The following GPC6 variants were observed in gnomAD, a reference collection of about 807,000 sequenced individuals.
The protein encoded by GPC6 is glypican-6.
Under a neutral mutation model 55.2 loss-of-function variants are expected in GPC6, and 14 were observed. The ratio of observed to expected loss-of-function variants is 0.25; its 90% CI spans 0.17 to 0.40. GPC6 has a LOEUF of 0.40. Among genes scored for constraint, GPC6 ranks in the 10% least tolerant of loss-of-function variants. GPC6 has a pLI of 1.00. For synonymous variants in GPC6, 278 were observed against 259.6 expected (o/e 1.07, Z -0.68); for missense variants, 641 against 708.5 (o/e 0.90, Z 1.08).
At chr13:93,946,761 T>A (rs1879029922) in intron 3 of GPC6, among the ~76,000 whole-genome samples, 1 of 152,220 alleles carries the variant, frequency 6.6e-6, no homozygotes, top group South Asian at 2.1e-4. Context: ...GGCATCAGTC[T>A]AAGTGCTGGC....
intron 3 of GPC6, among the ~76,000 whole-genome samples, chr13:93,961,609 T>G (rs1032612071): frequency 6.6e-6 from 1 of 152,234 alleles, no homozygotes; most frequent in Non-Finnish European, 1.5e-5. Flanking sequence ...CTTTTAGTGA[T>G]GAAGGGAAAC....
intron 1 of GPC6, among the ~76,000 whole-genome samples, chr13:93,292,895 C>T (rs1285747449): frequency 2.0e-5 from 3 of 152,188 alleles, no homozygotes; most frequent in Non-Finnish European, 4.4e-5. Context: ...AGTTTATTTG[C>T]CTCATTGACT....
chr13:93,556,495 A>G lies in GPC6; in HGVS notation c.319+11074A>G, dbSNP rs562545494. 2.0e-3 allele frequency among the ~76,000 whole-genome samples: 301 copies of G among 149,940 alleles called. 2 individuals carry two copies. Among genetic ancestry groups the G allele is most frequent in the African/African-American group, 6.5e-3 (268 of 41,088 alleles). On this transcript the variant is annotated intron_variant, in intron 2 of 8. Transcript: ENST00000377047. ...AGTGTGAAATAAGCACATCATGGAG[A>G]ATGGAGTATCCATCCCCTCAAGCAT...
intron 3 of GPC6, among the ~76,000 whole-genome samples, chr13:93,959,175 T>A (rs9524285): frequency 6.6e-6 from 1 of 151,320 alleles, no homozygotes; most frequent in Admixed American, 6.6e-5. Context: ...TTTTTTTTTT[T>A]CCCTTGAGGC....
chr13:93,394,350 C>T (rs1875764350), intron 1 of GPC6, among the ~76,000 whole-genome samples: 2 of 152,164 alleles, frequency 1.3e-5, no homozygotes, highest in South Asian at 4.1e-4. Context: ...CTTAGAACCC[C>T]ACACATATTA....
At chr13:93,231,403 A>ATATG (rs1555336158) in intron 1 of GPC6, among the ~76,000 whole-genome samples, 5 of 32,298 alleles carry the variant, frequency 1.5e-4, no homozygotes, top group East Asian at 9.3e-4. Context: ...ATATGTATAT[A>ATATG]TATATATATA....
At chr13:94,399,809 T>A (rs1253935180) in intron 8 of GPC6, among the ~76,000 whole-genome samples, 3 of 152,218 alleles carry the variant, frequency 2.0e-5, no homozygotes, top group African/African-American at 7.2e-5. Flanking sequence ...TCTCTCCTCC[T>A]TTTACTAAAC....
At chr13:93,613,151 G>C (rs10454519) in intron 2 of GPC6, among the ~76,000 whole-genome samples, 2,542 of 152,234 alleles carry the variant, frequency 0.017, 64 homozygotes, top group African/African-American at 0.057. Context: ...GAAAATTAAG[G>C]CTGAAAGTTG....
chr13:94,384,899 T>C (rs10492629), intron 7 of GPC6, among the ~76,000 whole-genome samples: 20,690 of 152,166 alleles, frequency 0.14, 1,596 homozygotes, highest in East Asian at 0.28. Flanking sequence ...ACAGCATTCA[T>C]TGAGTCAGTC....
chr13:94,306,074 A>G lies in GPC6; in HGVS notation c.1103A>G (p.Asn368Ser), dbSNP rs1350652470. ...TTTAATACACGTTTCAGGCCCTACA[A>G]TCCTGAGGAAAGACCAACAACTGCT... ...ENFNTRFRPYNPEERPTTAAG... is the reference protein window; with the variant it reads ...ENFNTRFRPYSPEERPTTAAG... Residue 368 changes from asparagine (N) to serine (S), a missense_variant, in exon 6 of 9, where the codon AAT becomes AGT. Transcript: ENST00000377047. 2 of 1,614,136 alleles carry G rather than the reference A, an allele frequency of 1.2e-6. No individual in the cohort carries two copies. Among genetic ancestry groups the G allele is most frequent in the South Asian group, 1.1e-5 (1 of 91,072 alleles).
intron 4 of GPC6, among the ~76,000 whole-genome samples, chr13:94,240,036 G>C (rs1891006462): frequency 6.6e-6 from 1 of 152,056 alleles, no homozygotes; most frequent in South Asian, 2.1e-4. Context: ...CTTGACTCTA[G>C]GTATTTGAGG....
chr13:93,643,544 G>A (rs1266184626), intron 2 of GPC6, among the ~76,000 whole-genome samples: 1 of 152,090 alleles, frequency 6.6e-6, no homozygotes, highest in Non-Finnish European at 1.5e-5. Context: ...ATAAAGGAAA[G>A]TAAGAGCTAT....
intron 4 of GPC6, among the ~76,000 whole-genome samples, chr13:94,212,743 T>C (rs542122384): frequency 9.2e-5 from 14 of 152,354 alleles, no homozygotes; most frequent in African/African-American, 3.4e-4. Flanking sequence ...AAACATGTGC[T>C]GATTGCATGA....
At chr13:94,176,841 A>G (rs1888793975) in intron 4 of GPC6, among the ~76,000 whole-genome samples, 3 of 152,202 alleles carry the variant, frequency 2.0e-5, no homozygotes, top group African/African-American at 7.2e-5. Context: ...CCGGGGTGAA[A>G]GAAAGAATCC....
chr13:94,334,749 G>C (rs1406898030), intron 6 of GPC6, among the ~76,000 whole-genome samples: 4 of 152,198 alleles, frequency 2.6e-5, no homozygotes, highest in Non-Finnish European at 5.9e-5. Context: ...CCTTGCTTGA[G>C]TGTCTTCCTG....
chr13:93,243,033 C>A (rs78450265), intron 1 of GPC6, among the ~76,000 whole-genome samples: 1 of 152,134 alleles, frequency 6.6e-6, no homozygotes, highest in Non-Finnish European at 1.5e-5. Flanking sequence ...AGGAAGGGAC[C>A]CTGTTCGAGA....
chr13:93,579,024 T>C (rs958874175), intron 2 of GPC6, among the ~76,000 whole-genome samples: 1 of 152,112 alleles, frequency 6.6e-6, no homozygotes, highest in African/African-American at 2.4e-5. Context: ...TATGTTCTCA[T>C]TTATATGTTG....
intron 4 of GPC6, among the ~76,000 whole-genome samples, chr13:94,189,911 C>T (rs1210761608): frequency 5.3e-5 from 8 of 151,968 alleles, no homozygotes; most frequent in Non-Finnish European, 1.2e-4. Flanking sequence ...GTCCCAGCTA[C>T]TCAGGAGGCT....
At chr13:94,263,236 C>T (rs1472673765) in intron 4 of GPC6, among the ~76,000 whole-genome samples, 2 of 152,194 alleles carry the variant, frequency 1.3e-5, no homozygotes, top group African/African-American at 2.4e-5. Flanking sequence ...TAGTTTCTCC[C>T]TCTCAGTAGA....
Sources: gnomAD v4.1 joint callset for allele counts (sites outside exome capture counted in the v4.1 genomes callset) on GRCh38, gnomAD v4.1.1 for gene constraint, MANE v1.5 for transcripts, NCBI Gene and HGNC (gene_info 2026-07-23, HGNC 2026-07-21) for gene names.